The following SOCS5 variants were observed in gnomAD, a reference collection of about 807,000 sequenced individuals.
The protein encoded by SOCS5 is CIS-6.
In SOCS5, 32 loss-of-function variants were observed where a neutral mutation model predicts 42.8. That is an observed-to-expected ratio of 0.75 (90% CI 0.56 to 1.01). SOCS5 has a LOEUF of 1.01. SOCS5 is among the 50% of genes least tolerant of loss of function. SOCS5 has a pLI of 0.00. For missense variants in SOCS5, 627 were observed against 653.0 expected, an observed-to-expected ratio of 0.96 and a Z score of 0.43; for synonymous variants, 283 against 229.6, an observed-to-expected ratio of 1.23 and a Z score of -2.10.
intron 1 of SOCS5, 124 bp from the exon 2 acceptor site, chr2:46,758,395 G>C: frequency 1.5e-6 from 1 of 672,268 alleles, no homozygotes; most frequent in Non-Finnish European, 2.5e-6. Context: ...GCAGGGCAGC[G>C]TAGGTGAACG....
At chr2:46,750,010 A>G (rs1673589912) in intron 1 of SOCS5, among the ~76,000 whole-genome samples, 1 of 152,200 alleles carries the variant, frequency 6.6e-6, no homozygotes, top group South Asian at 2.1e-4. Flanking sequence ...TATGTATATT[A>G]TTTCTATCAT....
chr2:46,718,208 T>G (rs1672793295), intron 1 of SOCS5, among the ~76,000 whole-genome samples: 1 of 152,198 alleles, frequency 6.6e-6, no homozygotes, highest in South Asian at 2.1e-4. Context: ...TGCTGCCTCT[T>G]GTCCAATATC....
At chr2:46,700,103 C>G (rs1381525047) in intron 1 of SOCS5, among the ~76,000 whole-genome samples, 1 of 152,084 alleles carries the variant, frequency 6.6e-6, no homozygotes, top group African/African-American at 2.4e-5. Flanking sequence ...GTTTGGGCAT[C>G]CGAGTAGCAG....
At chr2:46,744,214 T>C (rs994268005) in intron 1 of SOCS5, among the ~76,000 whole-genome samples, 2 of 152,174 alleles carry the variant, frequency 1.3e-5, no homozygotes, top group Non-Finnish European at 2.9e-5. Context: ...GATTGTGAAC[T>C]CTTGACCTCA....
Position 46,708,880 on chromosome 2 carries a change from C to CTTT in SOCS5, c.-13+9454_-13+9456dup, listed in dbSNP as rs145238668. Among the ~76,000 whole-genome samples the CTTT allele has an allele frequency of 6.0e-4, 38 of 63,264 alleles. 1 individual carries two copies. The highest frequency in any genetic ancestry group is 3.9e-3 in the East Asian group (8 of 2,036). The allele number at this position is 63,264 out of a possible 152,430, so 41.5% of individuals were successfully genotyped here. A position where few individuals can be genotyped will look rare whatever the true frequency, so the allele number is the denominator to read the frequency against. ...CTGAACAGATACTGAATCCTGAAGC[C>CTTT]TTTTTTTTTTTTTTTTTTTTTTTTT... On this transcript the variant is annotated intron_variant, in intron 1 of 1. Transcript: ENST00000394861.
intron 1 of SOCS5, among the ~76,000 whole-genome samples, chr2:46,745,037 A>G (rs1296176231): frequency 6.6e-6 from 1 of 151,914 alleles, no homozygotes; most frequent in Non-Finnish European, 1.5e-5. Context: ...CCTGCAAGCA[A>G]TAACAAAGGA....
At chr2:46,731,139 G>A (rs1673110521) in intron 1 of SOCS5, among the ~76,000 whole-genome samples, 1 of 152,162 alleles carries the variant, frequency 6.6e-6, no homozygotes, top group African/African-American at 2.4e-5. Flanking sequence ...CTGAATGTTC[G>A]TATTCCCCCC....
intron 1 of SOCS5, among the ~76,000 whole-genome samples, chr2:46,708,282 G>A (rs1672540168): frequency 6.6e-6 from 1 of 152,132 alleles, no homozygotes; most frequent in Admixed American, 6.5e-5. Context: ...AATGTTAGAA[G>A]GTGTTAGAAG....
chr2:46,729,514 T>C (rs780387395), intron 1 of SOCS5, among the ~76,000 whole-genome samples: 2 of 152,240 alleles, frequency 1.3e-5, no homozygotes, highest in Non-Finnish European at 2.9e-5. Flanking sequence ...GTTACTGTAC[T>C]GAATACTCTA....
At chr2:46,745,184 A>C (rs1384906281) in intron 1 of SOCS5, among the ~76,000 whole-genome samples, 1 of 152,160 alleles carries the variant, frequency 6.6e-6, no homozygotes, top group Non-Finnish European at 1.5e-5. Flanking sequence ...AAGAATATTG[A>C]GAATTCTGCT....
At chr2:46,730,234 G>A (rs1267131961) in intron 1 of SOCS5, among the ~76,000 whole-genome samples, 1 of 152,102 alleles carries the variant, frequency 6.6e-6, no homozygotes, top group Admixed American at 6.6e-5. Flanking sequence ...GTAATGCTCG[G>A]TATTTTAAGT....
At chr2:46,727,038 G>A (rs976476679) in intron 1 of SOCS5, among the ~76,000 whole-genome samples, 5 of 151,930 alleles carry the variant, frequency 3.3e-5, no homozygotes, top group Admixed American at 1.3e-4. Context: ...TTACAGGCAT[G>A]AGCCATTGTG....
At chr2:46,715,929 T>G (rs1041252486) in intron 1 of SOCS5, among the ~76,000 whole-genome samples, 4 of 152,126 alleles carry the variant, frequency 2.6e-5, no homozygotes, top group African/African-American at 4.8e-5. Flanking sequence ...GTTCAACCAC[T>G]TAATATTAAC....
intron 1 of SOCS5, among the ~76,000 whole-genome samples, chr2:46,735,368 G>A (rs2103733508): frequency 6.6e-6 from 1 of 152,176 alleles, no homozygotes; most frequent in African/African-American, 2.4e-5. Context: ...CTTCCCTAAA[G>A]CCTCCCACAC....
intron 1 of SOCS5, among the ~76,000 whole-genome samples, chr2:46,707,875 T>G (rs947067031): frequency 6.6e-6 from 1 of 152,214 alleles, no homozygotes; most frequent in Admixed American, 6.5e-5. Context: ...CAACATAGCT[T>G]AGCCTAGCCT....
intron 1 of SOCS5, among the ~76,000 whole-genome samples, chr2:46,742,938 A>T (rs1278959703): frequency 1.3e-5 from 2 of 152,124 alleles, no homozygotes; most frequent in East Asian, 1.9e-4. Flanking sequence ...TGCTGGGATT[A>T]CAGGCATGAG....
At chr2:46,730,070 C>G (rs76136696) in intron 1 of SOCS5, among the ~76,000 whole-genome samples, 6,432 of 152,198 alleles carry the variant, frequency 0.042, 184 homozygotes, top group Middle Eastern at 0.12. Flanking sequence ...AGTTTTTCAG[C>G]TCTGTTATGA....
At chr2:46,725,171 A>G (rs949890416) in intron 1 of SOCS5, among the ~76,000 whole-genome samples, 1 of 151,976 alleles carries the variant, frequency 6.6e-6, no homozygotes, top group African/African-American at 2.4e-5. Flanking sequence ...TGATAATGAT[A>G]TAGCCAGTTC....
chr2:46,718,019 G>A (rs925312793), intron 1 of SOCS5, among the ~76,000 whole-genome samples: 1 of 152,058 alleles, frequency 6.6e-6, no homozygotes, highest in African/African-American at 2.4e-5. Context: ...TTCTAGTTTT[G>A]CTGCTCAAAT....
Sources: allele counts gnomAD v4.1 joint callset (sites outside exome capture counted in the v4.1 genomes callset), GRCh38; gene constraint gnomAD v4.1.1; transcripts MANE v1.5; gene names NCBI Gene and HGNC (gene_info 2026-07-23, HGNC 2026-07-21).